Variants in NOS1AP observed in about 807,000 individuals in gnomAD.
The protein encoded by NOS1AP is nitric oxide synthase 1 adaptor protein, also known as carboxyl-terminal PDZ ligand of neuronal nitric oxide synthase protein.
A neutral mutation model predicts 56.2 loss-of-function variants in NOS1AP; 21 were observed. The ratio of observed to expected loss-of-function variants is 0.37; its 90% CI spans 0.26 to 0.54. NOS1AP has a LOEUF of 0.54. Ranked by LOEUF, NOS1AP falls within the 20% of genes least tolerant of loss-of-function variation. NOS1AP has a pLI of 0.84. For missense variants in NOS1AP, 522 were observed against 657.8 expected (o/e 0.79, Z 2.26); for synonymous variants, 270 against 274.6 (o/e 0.98, Z 0.17).
intron 4 of NOS1AP, among the ~76,000 whole-genome samples, chr1:162,316,098 T>C (rs1337218019): frequency 2.0e-5 from 3 of 152,080 alleles, no homozygotes; most frequent in Non-Finnish European, 4.4e-5. Context: ...CGGGACTGAG[T>C]GGATGAATGA....
chr1:162,297,441 C>T (rs1169248210), intron 3 of NOS1AP, among the ~76,000 whole-genome samples: 1 of 152,164 alleles, frequency 6.6e-6, no homozygotes, highest in Non-Finnish European at 1.5e-5. Context: ...TTAACGGGAC[C>T]GTGGTCAGTT....
intron 1 of NOS1AP, among the ~76,000 whole-genome samples, chr1:162,081,774 A>ATATATATATATATTTTTTTT: frequency 2.3e-5 from 1 of 44,058 alleles, no homozygotes; most frequent in African/African-American, 7.6e-5. Context: ...ATATATATAT[A>ATATATATATATATTTTTTTT]TTTTTTTTTT....
intron 1 of NOS1AP, among the ~76,000 whole-genome samples, chr1:162,127,731 A>G (rs1648551633): frequency 6.6e-6 from 1 of 152,188 alleles, no homozygotes; most frequent in African/African-American, 2.4e-5. Flanking sequence ...ACCAGATCTC[A>G]TGAGAACTCA....
intron 2 of NOS1AP, among the ~76,000 whole-genome samples, chr1:162,248,528 A>G (rs962391969): frequency 1.3e-5 from 2 of 152,216 alleles, no homozygotes; most frequent in African/African-American, 4.8e-5. Flanking sequence ...AAGGACTTCT[A>G]ATATGCTCCG....
At chr1:162,110,316 C>A (rs1167969312) in intron 1 of NOS1AP, among the ~76,000 whole-genome samples, 3 of 125,152 alleles carry the variant, frequency 2.4e-5, no homozygotes, top group Admixed American at 2.1e-4. Flanking sequence ...TTTTAACATG[C>A]CCAAGGAAAT....
chr1:162,233,126 A>G (rs1233324936), intron 2 of NOS1AP, among the ~76,000 whole-genome samples: 1 of 152,230 alleles, frequency 6.6e-6, no homozygotes, highest in Non-Finnish European at 1.5e-5. Flanking sequence ...TTTCTGCTTC[A>G]GTAGGTCTGA....
chr1:162,173,418 T>C (rs1650898989), intron 2 of NOS1AP, among the ~76,000 whole-genome samples: 1 of 152,126 alleles, frequency 6.6e-6, no homozygotes, highest in Non-Finnish European at 1.5e-5. Context: ...AAAAATTAAT[T>C]CAAGATGGAT....
chr1:162,267,748 G>A (rs977593458), intron 2 of NOS1AP, among the ~76,000 whole-genome samples: 28 of 152,160 alleles, frequency 1.8e-4, no homozygotes, highest in African/African-American at 6.5e-4. Context: ...GGGCAACAGA[G>A]CAAGACGTTG....
At chr1:162,077,533 A>G (rs911842613) in intron 1 of NOS1AP, among the ~76,000 whole-genome samples, 3 of 152,114 alleles carry the variant, frequency 2.0e-5, no homozygotes. Flanking sequence ...ATTTTTACCC[A>G]TTCTGTGGTC....
rs373392194 is a variant in NOS1AP at position 162,268,186 on chromosome 1, G to A, written c.178-19158G>A. On this transcript the variant is annotated intron_variant, in intron 2 of 9. Transcript: ENST00000361897. ...AGGCGTGAGAATTGCTTGAACCCAG[G>A]AGGCAAAGGTTGCGGTAAGCCTAGA... 1.5e-4 allele frequency among the ~76,000 whole-genome samples: 23 copies of A among 151,662 alleles called. No individual in the cohort carries two copies. In the East Asian group the frequency reaches 2.3e-3, roughly 15 times the overall value.
At chr1:162,142,776 C>T (rs544136661) in intron 1 of NOS1AP, among the ~76,000 whole-genome samples, 15 of 152,208 alleles carry the variant, frequency 9.9e-5, no homozygotes, top group African/African-American at 3.1e-4. Context: ...CTTGCAGGGT[C>T]GTTGCTGACT....
At chr1:162,189,590 A>G (rs1651553384) in intron 2 of NOS1AP, among the ~76,000 whole-genome samples, 1 of 152,244 alleles carries the variant, frequency 6.6e-6, no homozygotes. Context: ...TAAATAAGAT[A>G]GGCGAGATCT....
chr1:162,231,564 A>G (rs530217482), intron 2 of NOS1AP, among the ~76,000 whole-genome samples: 1 of 152,308 alleles, frequency 6.6e-6, no homozygotes, highest in East Asian at 1.9e-4. Context: ...TAAAATATTC[A>G]ATATGTCATC....
intron 6 of NOS1AP, among the ~76,000 whole-genome samples, chr1:162,353,570 G>A (rs1384809789): frequency 1.3e-4 from 20 of 152,128 alleles, no homozygotes; most frequent in African/African-American, 4.6e-4. Flanking sequence ...AGTATTTATG[G>A]AACACTTTCT....
Position 162,343,896 on chromosome 1 carries a change from G to C in NOS1AP, c.515G>C (p.Ser172Thr). 1 of 1,614,144 alleles carries C rather than the reference G, an allele frequency of 6.2e-7. No homozygotes were observed. Among genetic ancestry groups the C allele is most frequent in the Non-Finnish European group, 8.5e-7 (1 of 1,180,014 alleles). ...GQAFEVCHKL[S>T]LQHTQQNADG... ...GCCTTTGAGGTCTGCCACAAGCTGA[G>C]CCTGCAGCACACGCAGCAGAATGCA... The change falls in exon 6 of 10, where the codon AGC (serine) becomes ACC (threonine). Residue 172 changes from serine (S) to threonine (T), a missense_variant. Transcript: ENST00000361897.
At chr1:162,331,649 C>T (rs1338754680) in intron 4 of NOS1AP, among the ~76,000 whole-genome samples, 1 of 152,144 alleles carries the variant, frequency 6.6e-6, no homozygotes, top group East Asian at 1.9e-4. Flanking sequence ...CAAATCAGAC[C>T]TGTTAACTCC....
At chr1:162,218,693 T>G (rs1194910322) in intron 2 of NOS1AP, among the ~76,000 whole-genome samples, 2 of 152,066 alleles carry the variant, frequency 1.3e-5, no homozygotes, top group East Asian at 3.9e-4. Context: ...GAGTCCAGGC[T>G]TTTGCTATTG....
intron 1 of NOS1AP, among the ~76,000 whole-genome samples, chr1:162,106,397 C>A (rs557559081): frequency 6.6e-6 from 1 of 152,184 alleles, no homozygotes; most frequent in Non-Finnish European, 1.5e-5. Flanking sequence ...CTGAGCACCA[C>A]GGACTGGAGC....
intron 8 of NOS1AP, chr1:162,363,721 A>G (rs1029989802): frequency 2.3e-6 from 2 of 865,672 alleles, no homozygotes; most frequent in South Asian, 5.3e-5. Context: ...TTGGGGAGCT[A>G]TATGTCAGGA....
Sources: gnomAD v4.1 joint callset for allele counts (sites outside exome capture counted in the v4.1 genomes callset) on GRCh38, gnomAD v4.1.1 for gene constraint, MANE v1.5 for transcripts, NCBI Gene and HGNC (gene_info 2026-07-23, HGNC 2026-07-21) for gene names.